POLR3A: variants seen among roughly 807,000 people sequenced by gnomAD.
POLR3A encodes the protein DNA-directed RNA polymerase III subunit RPC1.
A neutral mutation model predicts 152.8 loss-of-function variants in POLR3A; 112 were observed. The ratio of observed to expected loss-of-function variants is 0.73; its 90% CI spans 0.63 to 0.86. The LOEUF is 0.86. Among genes scored for constraint, POLR3A ranks in the 40% least tolerant of loss-of-function variants. The pLI is 0.00. For synonymous variants in POLR3A, 615 were observed against 652.1 expected, an observed-to-expected ratio of 0.94 and a Z score of 0.87; for missense variants, 1,385 against 1,743.1, an observed-to-expected ratio of 0.79 and a Z score of 3.66.
intron 18 of POLR3A, 76 bp from the exon 19 acceptor site, chr10:78,000,194 GA>G (rs1847343485): frequency 7.6e-7 from 1 of 1,314,498 alleles, no homozygotes; most frequent in Non-Finnish European, 1.1e-6. Context: ...ACTCAAATCA[GA>G]AAATGCCCCA....
intron 21 of POLR3A, 46 bp from the exon 22 acceptor site, chr10:77,986,205 G>A: frequency 1.1e-6 from 1 of 930,182 alleles, no homozygotes; most frequent in Non-Finnish European, 1.8e-6. Flanking sequence ...TCACAGTCAT[G>A]CAGATGACAT....
intron 8 of POLR3A, 169 bp from the exon 9 acceptor site, chr10:78,019,434 G>A: frequency 1.6e-6 from 1 of 622,174 alleles, no homozygotes; most frequent in South Asian, 1.9e-5. Context: ...ACAACAGACT[G>A]GCAAACAAGC....
chr10:78,022,489 T>A, intron 5 of POLR3A, 105 bp from the exon 6 acceptor site: 1 of 1,186,574 alleles, frequency 8.4e-7, no homozygotes, highest in Non-Finnish European at 1.2e-6. Context: ...TCACTAAGGA[T>A]AAGTGACAAC....
intron 5 of POLR3A, among the ~76,000 whole-genome samples, chr10:78,023,987 CA>C (rs1350702199): frequency 1.3e-5 from 2 of 151,508 alleles, no homozygotes; most frequent in Middle Eastern, 3.2e-3. Flanking sequence ...AAAACAAAAG[CA>C]AAAACAAAAA....
intron 11 of POLR3A, among the ~76,000 whole-genome samples, chr10:78,011,710 T>C (rs559278752): frequency 2.6e-5 from 4 of 152,302 alleles, no homozygotes; most frequent in East Asian, 1.9e-4. Flanking sequence ...CTGAGATTAG[T>C]GTATTTTGAA....
intron 21 of POLR3A, among the ~76,000 whole-genome samples, chr10:77,988,012 T>C (rs1422302985): frequency 6.6e-6 from 1 of 152,210 alleles, no homozygotes; most frequent in Non-Finnish European, 1.5e-5. Context: ...AATCTTTGCC[T>C]ACTGGGAAAT....
intron 21 of POLR3A, among the ~76,000 whole-genome samples, chr10:77,989,745 T>C (rs886907674): frequency 6.6e-6 from 1 of 152,218 alleles, no homozygotes; most frequent in African/African-American, 2.4e-5. Context: ...TACCTCGTTA[T>C]AGCTTTCATA....
At chr10:78,020,724 C>G (rs1847571361) in intron 8 of POLR3A, among the ~76,000 whole-genome samples, 1 of 151,450 alleles carries the variant, frequency 6.6e-6, no homozygotes, top group Non-Finnish European at 1.5e-5. Flanking sequence ...GGAGGTGGAG[C>G]TTGCCGTAAG....
intron 19 of POLR3A, among the ~76,000 whole-genome samples, chr10:77,993,721 G>T (rs544559047): frequency 1.4e-4 from 21 of 152,204 alleles, no homozygotes; most frequent in African/African-American, 5.1e-4. Context: ...CAATAGCTTT[G>T]CATTTCTAAA....
Position 78,021,888 on chromosome 10 carries a change from G to A in POLR3A, c.1020C>T (p.Gly340=). The part of the protein sequence containing the change: ...LNMAPKKWTR[G]FVQRLKGKQG... ...GTTTTCCCTTCAGGCGTTGGACGAA[G>A]CCTCTGGTCCACTTCTTGGGTGCCA... Residue 340 remains glycine (G), a synonymous_variant, in exon 7 of 31, where the codon GGC becomes GGT. Transcript: ENST00000372371. 1 of 1,614,096 alleles carries A rather than the reference G, an allele frequency of 6.2e-7. No homozygotes were observed. Among genetic ancestry groups the A allele is most frequent in the East Asian group, 2.2e-5 (1 of 44,870 alleles).
At chr10:78,018,305 C>A (rs972770194) in intron 9 of POLR3A, among the ~76,000 whole-genome samples, 3 of 151,772 alleles carry the variant, frequency 2.0e-5, no homozygotes, top group African/African-American at 7.3e-5. Context: ...TCGAAACCAG[C>A]CTGGTCAACA....
chr10:77,981,442 G>A lies in POLR3A; in HGVS notation c.3877C>T (p.Leu1293Phe). ...DRRHVMLLSD[L>F]MTYKGEVLGI... ...TGCCCACATACCTTGTAGGTCATGA[G>A]GTCGGAGAGCAGCATCACGTGCCTC... The change falls in exon 29 of 31, where the codon CTC (leucine) becomes TTC (phenylalanine). Residue 1293 changes from leucine (L) to phenylalanine (F), a missense_variant. This residue lies in a region of POLR3A where 332 missense variants were observed against 400.1 expected (regional missense o/e 0.83). Transcript: ENST00000372371. 1.9e-6 allele frequency: 3 copies of A among 1,614,098 alleles called. No individual in the cohort carries two copies. The highest frequency in any genetic ancestry group is 2.5e-6 in the Non-Finnish European group (3 of 1,179,966).
intron 4 of POLR3A, 98 bp from the exon 5 acceptor site, chr10:78,024,801 G>A: frequency 7.5e-7 from 1 of 1,334,784 alleles, no homozygotes; most frequent in Non-Finnish European, 1.1e-6. Context: ...AACTACTATA[G>A]CAATGAAAGA....
At chr10:78,020,476 CGA>C (rs1478467254) in intron 8 of POLR3A, among the ~76,000 whole-genome samples, 1 of 150,588 alleles carries the variant, frequency 6.6e-6, no homozygotes, top group Non-Finnish European at 1.5e-5. Flanking sequence ...GGTGACAGGG[CGA>C]GAGTCTGTCT....
intron 19 of POLR3A, among the ~76,000 whole-genome samples, chr10:77,999,075 C>T (rs1589309173): frequency 6.6e-6 from 1 of 152,236 alleles, no homozygotes; most frequent in East Asian, 1.9e-4. Context: ...GCCGCATGTT[C>T]TCACTCATAG....
intron 1 of POLR3A, among the ~76,000 whole-genome samples, chr10:78,027,994 C>T (rs183950964): frequency 5.9e-5 from 9 of 152,318 alleles, no homozygotes; most frequent in African/African-American, 2.2e-4. Context: ...CGATGTAGAG[C>T]TACCACATGG....
At chr10:78,018,329 T>A (rs1465831615) in intron 9 of POLR3A, among the ~76,000 whole-genome samples, 1 of 151,816 alleles carries the variant, frequency 6.6e-6, no homozygotes, top group African/African-American at 2.4e-5. Context: ...TGAAAACCCG[T>A]CGCTACTAAA....
intron 5 of POLR3A, 103 bp from the exon 6 acceptor site, chr10:78,022,487 G>T (rs572154259): frequency 5.8e-5 from 69 of 1,181,214 alleles, no homozygotes; most frequent in Middle Eastern, 2.1e-4. Context: ...TGTCACTAAG[G>T]ATAAGTGACA....
At chr10:78,025,252 A>G (rs1847621422) in intron 3 of POLR3A, 110 bp from the exon 4 acceptor site, 3 of 1,128,810 alleles carry the variant, frequency 2.7e-6, no homozygotes, top group Admixed American at 3.7e-5. Context: ...GACCATATAC[A>G]CAGATCTGCA....
Sources: allele counts gnomAD v4.1 joint callset (sites outside exome capture counted in the v4.1 genomes callset), GRCh38; gene constraint gnomAD v4.1.1; regional missense constraint gnomAD v4.1.1; transcripts MANE v1.5; gene names NCBI Gene and HGNC (gene_info 2026-07-23, HGNC 2026-07-21).